Variants in INPP4B observed in about 807,000 individuals in gnomAD.
INPP4B encodes inositol polyphosphate 4-phosphatase type II.
In INPP4B, 55 loss-of-function variants were observed where a neutral mutation model predicts 122.5. The ratio of observed to expected loss-of-function variants is 0.45; its 90% CI spans 0.36 to 0.56. The LOEUF is 0.56. Among genes scored for constraint, INPP4B ranks in the 20% least tolerant of loss-of-function variants. The pLI is 0.00. For missense variants in INPP4B, 1,000 were observed against 1,097.7 expected, an observed-to-expected ratio of 0.91 and a Z score of 1.26; for synonymous variants, 403 against 388.7, an observed-to-expected ratio of 1.04 and a Z score of -0.43.
At chr4:142,497,761 C>T (rs2149806486) in intron 2 of INPP4B, among the ~76,000 whole-genome samples, 1 of 152,270 alleles carries the variant, frequency 6.6e-6, no homozygotes, top group East Asian at 1.9e-4. Context: ...TTGTCACTAG[C>T]TTCAGTCATT....
chr4:142,132,646 T>C (rs1260399508), intron 18 of INPP4B, among the ~76,000 whole-genome samples: 3 of 152,210 alleles, frequency 2.0e-5, no homozygotes, highest in Admixed American at 2.0e-4. Context: ...TCTCCTCTGT[T>C]GGTACACCAG....
In INPP4B at chr4:142,081,939, A is replaced by G. The variant is rs562219939; in HGVS notation, c.2642+92T>C. On this transcript the variant is annotated intron_variant, in intron 25 of 25. Transcript: ENST00000262992. The stretch of plus-strand genomic sequence containing the variant: ...AATGCAGTAAAGTTCTAAAATATTT[A>G]GTCCTCCAATAAAATATGTATTTTG... 4.8e-6 allele frequency: 4 copies of G among 830,900 alleles called. No homozygotes were observed. In the East Asian group the frequency reaches 1.1e-4, roughly 23 times the overall value. The allele number at this position is 830,900 out of a possible 1,614,324, so 51.5% of individuals were successfully genotyped here. A position where few individuals can be genotyped will look rare whatever the true frequency, so the allele number is the denominator to read the frequency against.
chr4:142,536,112 T>C (rs1658398608), intron 2 of INPP4B, among the ~76,000 whole-genome samples: 2 of 152,210 alleles, frequency 1.3e-5, no homozygotes, highest in South Asian at 4.1e-4. Context: ...TATATAATCA[T>C]AGCACAATTG....
rs147672914 is a variant in INPP4B, at chr4:142,279,056, T to C, written c.504-8282A>G. Among the ~76,000 whole-genome samples, 161 of 151,936 alleles carry C rather than the reference T, an allele frequency of 1.1e-3. 1 individual carries two copies. Among genetic ancestry groups the C allele is most frequent in the African/African-American group, 3.9e-3 (160 of 41,490 alleles). On this transcript the variant is annotated intron_variant, in intron 9 of 25. Transcript: ENST00000262992. ...ATTGAAATTTTAAAAATTCAGTAGATCCAAAATAAATAAAATGTTTAGGAG... is the reference window on the plus strand; with the variant it reads ...ATTGAAATTTTAAAAATTCAGTAGACCCAAAATAAATAAAATGTTTAGGAG...
At chr4:142,476,495 A>G (rs1345447561) in intron 2 of INPP4B, among the ~76,000 whole-genome samples, 1 of 152,160 alleles carries the variant, frequency 6.6e-6, no homozygotes, top group Non-Finnish European at 1.5e-5. Flanking sequence ...AATGGACTGA[A>G]TGTTCCAATT....
intron 25 of INPP4B, among the ~76,000 whole-genome samples, chr4:142,035,067 C>T (rs184792129): frequency 4.8e-4 from 73 of 152,298 alleles, no homozygotes; most frequent in African/African-American, 1.7e-3. Flanking sequence ...TCTCGCTCAT[C>T]TTCCTACCTC....
chr4:142,448,362 A>AAGTCTC (rs1171111367), intron 3 of INPP4B, among the ~76,000 whole-genome samples: 1 of 150,838 alleles, frequency 6.6e-6, no homozygotes, highest in Non-Finnish European at 1.5e-5. Context: ...AACACCGAGC[A>AAGTCTC]AGTCTCAGTT....
In INPP4B at chr4:142,738,716, A is replaced by G. The variant is rs181073397; in HGVS notation, c.-253-12815T>C. ...TCTGTATTCCCCATATGTGTCTACA[A>G]ATGCCATCAGTTGGAAATAATATAC... On this transcript the variant is annotated intron_variant, in intron 1 of 25. Transcript: ENST00000262992. Among the ~76,000 whole-genome samples, 21 of 152,262 alleles carry G rather than the reference A, an allele frequency of 1.4e-4. No individual in the cohort carries two copies. The East Asian group carries it at 2.7e-3, about 20-fold the overall frequency.
At chr4:142,307,810 T>C (rs996608059) in intron 8 of INPP4B, among the ~76,000 whole-genome samples, 6 of 152,208 alleles carry the variant, frequency 3.9e-5, no homozygotes, top group Non-Finnish European at 8.8e-5. Flanking sequence ...ACTCCAAAAT[T>C]GCAAATTATT....
At chr4:142,306,485 G>A (rs1212199146) in intron 8 of INPP4B, among the ~76,000 whole-genome samples, 1 of 152,082 alleles carries the variant, frequency 6.6e-6, no homozygotes, top group Non-Finnish European at 1.5e-5. Context: ...TCTCATCATA[G>A]GTCTGCTGCT....
intron 2 of INPP4B, among the ~76,000 whole-genome samples, chr4:142,519,332 A>G (rs1170549602): frequency 6.6e-6 from 1 of 152,162 alleles, no homozygotes; most frequent in Non-Finnish European, 1.5e-5. Context: ...AATCTTCATT[A>G]ATATATATAT....
intron 2 of INPP4B, among the ~76,000 whole-genome samples, chr4:142,537,471 G>C (rs866283685): frequency 0.022 from 1,929 of 85,772 alleles, 54 homozygotes; most frequent in African/African-American, 0.071. Flanking sequence ...GAGAGAGAGA[G>C]ATACACATAC....
At chr4:142,363,170 G>A (rs1054756194) in intron 7 of INPP4B, among the ~76,000 whole-genome samples, 1 of 151,962 alleles carries the variant, frequency 6.6e-6, no homozygotes, top group African/African-American at 2.4e-5. Flanking sequence ...ACTTGTGAGA[G>A]TCTGATTAAA....
intron 2 of INPP4B, among the ~76,000 whole-genome samples, chr4:142,693,453 T>A (rs974254383): frequency 8.5e-6 from 1 of 117,966 alleles, no homozygotes; most frequent in Non-Finnish European, 1.6e-5. Context: ...CTTTCTGGCA[T>A]TTAGCTGGCT....
At chr4:142,630,052 G>A (rs993983937) in intron 2 of INPP4B, among the ~76,000 whole-genome samples, 16 of 152,054 alleles carry the variant, frequency 1.1e-4, no homozygotes, top group African/African-American at 3.6e-4. Flanking sequence ...AGAAGTGAAG[G>A]AAAAGAGCTT....
At chr4:142,831,223 C>G in intron 1 of INPP4B, among the ~76,000 whole-genome samples, 1 of 152,062 alleles carries the variant, frequency 6.6e-6, no homozygotes, top group African/African-American at 2.4e-5. Flanking sequence ...AATGGATAAG[C>G]AAGAAAATCT....
At chr4:142,414,210 A>G (rs1048226207) in intron 5 of INPP4B, among the ~76,000 whole-genome samples, 2 of 152,056 alleles carry the variant, frequency 1.3e-5, no homozygotes, top group African/African-American at 4.8e-5. Context: ...TATTTTTTTT[A>G]CCATCCTATA....
chr4:142,175,623 G>GAAA (rs5862575), intron 15 of INPP4B, among the ~76,000 whole-genome samples: 2 of 149,992 alleles, frequency 1.3e-5, no homozygotes, highest in African/African-American at 2.5e-5. Flanking sequence ...TAAAGTAAAT[G>GAAA]AAAAAAAAAA....
intron 2 of INPP4B, among the ~76,000 whole-genome samples, chr4:142,600,709 T>C (rs1739714725): frequency 1.3e-5 from 2 of 152,056 alleles, no homozygotes; most frequent in Admixed American, 6.5e-5. Flanking sequence ...ATAACAACTC[T>C]TGAATATAAA....
Sources: gnomAD v4.1 joint callset for allele counts (sites outside exome capture counted in the v4.1 genomes callset) on GRCh38, gnomAD v4.1.1 for gene constraint, MANE v1.5 for transcripts, NCBI Gene and HGNC (gene_info 2026-07-23, HGNC 2026-07-21) for gene names.